Variants in TAFA2 observed in about 807,000 individuals in gnomAD.
TAFA2 encodes the protein chemokine-like protein TAFA-2.
Under a neutral mutation model 18.8 loss-of-function variants are expected in TAFA2, and 7 were observed. The observed-to-expected ratio is 0.37, with a 90% CI of 0.21 to 0.70. The LOEUF (loss-of-function observed/expected upper bound fraction) is 0.70. TAFA2 is among the 30% of genes least tolerant of loss of function. The pLI, the probability that TAFA2 is intolerant of heterozygous loss-of-function variation, is 0.53. For missense variants in TAFA2, 122 were observed against 158.1 expected, an observed-to-expected ratio of 0.77 and a Z score of 1.23; for synonymous variants, 60 against 54.2, an observed-to-expected ratio of 1.11 and a Z score of -0.47.
rs112745680 is a variant in TAFA2 at position 61,758,612 on chromosome 12, G to A, written c.107-3588C>T. ...AAGAAATATGGCAGCCCTTGGAGAA[G>A]AAAAAAAGAGGGTCTGAAATAGATA... On this transcript the variant is annotated intron_variant, in intron 2 of 4. Transcript: ENST00000416284. 4.3e-3 allele frequency among the ~76,000 whole-genome samples: 652 copies of A among 151,730 alleles called. 7 individuals are homozygous for A. Among genetic ancestry groups the A allele is most frequent in the Middle Eastern group, 0.02 (6 of 294 alleles).
intron 1 of TAFA2, among the ~76,000 whole-genome samples, chr12:62,219,997 T>G (rs1465412836): frequency 6.6e-6 from 1 of 152,122 alleles, no homozygotes; most frequent in Non-Finnish European, 1.5e-5. Flanking sequence ...TAGAAGAAAG[T>G]TATGGAGCAT....
chr12:62,227,877 A>G (rs755135843), intron 1 of TAFA2, among the ~76,000 whole-genome samples: 5 of 152,064 alleles, frequency 3.3e-5, no homozygotes, highest in South Asian at 2.1e-4. Flanking sequence ...CCTTTCCCCA[A>G]TGTACGTTCT....
chr12:61,850,155 G>A (rs917242141), intron 2 of TAFA2, among the ~76,000 whole-genome samples: 1 of 151,860 alleles, frequency 6.6e-6, no homozygotes, highest in African/African-American at 2.4e-5. Flanking sequence ...TAGTATACCT[G>A]TGGTATTAAA....
At chr12:61,861,405 G>A (rs540151895) in intron 2 of TAFA2, among the ~76,000 whole-genome samples, 148 of 151,900 alleles carry the variant, frequency 9.7e-4, no homozygotes, top group Admixed American at 1.8e-3. Flanking sequence ...ACAGGCCAGC[G>A]CACCTGGATA....
rs545028124 is a variant in TAFA2 at position 62,000,479 on chromosome 12, G to C, written c.-1-133053C>G. ...GTTGTTACACCAGTATTGGAAAAGT[G>C]TCTGACAGTATTTTCAAAAACTGTA... On this transcript the variant is annotated intron_variant, in intron 1 of 4. Coordinates refer to ENST00000416284, the MANE Select transcript of TAFA2 (RefSeq NM_178539.5). Among the ~76,000 whole-genome samples, 11 of 146,198 alleles carry C rather than the reference G, an allele frequency of 7.5e-5. 2 individuals carry two copies. The highest frequency in any genetic ancestry group is 1.2e-4 in the Non-Finnish European group (8 of 66,356).
At position 62,130,578 on chromosome 12, in the gene TAFA2, C is replaced by T. The variant is rs968357976; in HGVS notation, c.-2+60681G>A. On this transcript the variant is annotated intron_variant, in intron 1 of 4. Transcript: ENST00000416284. ...ATTATTTCAACTTTGTGACTATTCA[C>T]ATGTGTTCCTCTTTTCGTTTCACTG... Among the ~76,000 whole-genome samples, 3 of 151,954 alleles carry T rather than the reference C, an allele frequency of 2.0e-5. No homozygotes were observed. In the South Asian group the frequency reaches 6.2e-4, roughly 31 times the overall value.
At chr12:62,235,249 T>G in intron 1 of TAFA2, 1 of 649,066 alleles carries the variant, frequency 1.5e-6, no homozygotes. Flanking sequence ...AGTGGCATAC[T>G]GAACTGTGGC....
chr12:62,245,290 C>G (rs2062879774), intron 1 of TAFA2, among the ~76,000 whole-genome samples: 1 of 152,014 alleles, frequency 6.6e-6, no homozygotes, highest in Non-Finnish European at 1.5e-5. Context: ...TCAATTTCCT[C>G]TATATGCATT....
chr12:61,872,956 A>G (rs1874682696), intron 1 of TAFA2, among the ~76,000 whole-genome samples: 1 of 152,152 alleles, frequency 6.6e-6, no homozygotes, highest in Admixed American at 6.5e-5. Flanking sequence ...ACATTTGTAT[A>G]AGTGTCTATT....
intron 1 of TAFA2, among the ~76,000 whole-genome samples, chr12:61,894,073 C>A (rs905089745): frequency 6.6e-6 from 1 of 151,534 alleles, no homozygotes; most frequent in Non-Finnish European, 1.5e-5. Flanking sequence ...GCTAAACAGG[C>A]CTCTTTCTCA....
chr12:61,764,824 A>G (rs1424684587), intron 2 of TAFA2, among the ~76,000 whole-genome samples: 3 of 152,084 alleles, frequency 2.0e-5, no homozygotes, highest in Admixed American at 6.6e-5. Context: ...GTTTAGATAT[A>G]TTTCTTATCT....
chr12:62,248,107 G>A (rs1385517069), intron 1 of TAFA2, among the ~76,000 whole-genome samples: 1 of 152,174 alleles, frequency 6.6e-6, no homozygotes, highest in Non-Finnish European at 1.5e-5. Context: ...AAAAAAGGCG[G>A]TCCTTTCAAC....
intron 1 of TAFA2, among the ~76,000 whole-genome samples, chr12:62,189,296 C>T (rs559904158): frequency 7.2e-5 from 11 of 152,228 alleles, no homozygotes; most frequent in East Asian, 1.9e-4. Context: ...ATCAACCTCA[C>T]GGACTTTTAG....
At chr12:61,778,691 G>A (rs1252677029) in intron 2 of TAFA2, among the ~76,000 whole-genome samples, 1 of 151,904 alleles carries the variant, frequency 6.6e-6, no homozygotes, top group Non-Finnish European at 1.5e-5. Flanking sequence ...ATGAAGTTAT[G>A]TCGACCTGGG....
At chr12:61,994,966 C>T (rs918690194) in intron 1 of TAFA2, among the ~76,000 whole-genome samples, 8 of 152,142 alleles carry the variant, frequency 5.3e-5, no homozygotes, top group Non-Finnish European at 8.8e-5. Flanking sequence ...TTTTTACTAG[C>T]CTAGTCCACT....
At chr12:61,791,082 G>C (rs1218289376) in intron 2 of TAFA2, among the ~76,000 whole-genome samples, 3 of 151,622 alleles carry the variant, frequency 2.0e-5, no homozygotes, top group Non-Finnish European at 4.4e-5. Flanking sequence ...TTCGACAACG[G>C]TCCCAAGAAC....
chr12:61,901,800 T>C (rs1420895250), intron 1 of TAFA2, among the ~76,000 whole-genome samples: 1 of 152,174 alleles, frequency 6.6e-6, no homozygotes, highest in Non-Finnish European at 1.5e-5. Flanking sequence ...TTGTATACCA[T>C]GCCAGTTACT....
intron 1 of TAFA2, among the ~76,000 whole-genome samples, chr12:61,936,848 A>T (rs1877790201): frequency 6.6e-6 from 1 of 152,178 alleles, no homozygotes; most frequent in Non-Finnish European, 1.5e-5. Context: ...AATGAAGGGC[A>T]TCCAAATTGG....
chr12:61,944,200 G>A (rs972783877), intron 1 of TAFA2, among the ~76,000 whole-genome samples: 201 of 147,740 alleles, frequency 1.4e-3, no homozygotes, highest in Non-Finnish European at 2.6e-3. Context: ...GCTCCTGAAT[G>A]ACTACTGGGT....
Sources: gnomAD v4.1 joint callset for allele counts (sites outside exome capture counted in the v4.1 genomes callset) on GRCh38, gnomAD v4.1.1 for gene constraint, MANE v1.5 for transcripts, NCBI Gene and HGNC (gene_info 2026-07-23, HGNC 2026-07-21) for gene names.